The following STXBP5L variants were observed in gnomAD, a reference collection of about 807,000 sequenced individuals.
The protein encoded by STXBP5L is syntaxin-binding protein 5-like.
A neutral mutation model predicts 144.5 loss-of-function variants in STXBP5L; 65 were observed. That is an observed-to-expected ratio of 0.45 (90% CI 0.37 to 0.55). STXBP5L has a LOEUF of 0.55. Ranked by LOEUF, STXBP5L falls within the 20% of genes least tolerant of loss-of-function variation. STXBP5L has a pLI of 0.00. For missense variants in STXBP5L, 1,298 were observed against 1,405.5 expected, an observed-to-expected ratio of 0.92 and a Z score of 1.22; for synonymous variants, 505 against 469.6, an observed-to-expected ratio of 1.08 and a Z score of -0.97.
intron 3 of STXBP5L, among the ~76,000 whole-genome samples, chr3:120,976,914 T>A (rs973052514): frequency 3.9e-5 from 6 of 152,028 alleles, no homozygotes; most frequent in Non-Finnish European, 8.8e-5. Flanking sequence ...GAGAGACAGT[T>A]TGTTATAATT....
At chr3:121,187,884 G>C (rs937980312) in intron 9 of STXBP5L, among the ~76,000 whole-genome samples, 1 of 151,734 alleles carries the variant, frequency 6.6e-6, no homozygotes, top group African/African-American at 2.4e-5. Context: ...AAAAAGCAGC[G>C]GTTGCAATCC....
chr3:121,052,224 C>A (rs1466662070), intron 5 of STXBP5L, among the ~76,000 whole-genome samples: 2 of 152,162 alleles, frequency 1.3e-5, no homozygotes, highest in Non-Finnish European at 2.9e-5. Flanking sequence ...CTCCCTAACT[C>A]ATTTTATGAG....
intron 19 of STXBP5L, among the ~76,000 whole-genome samples, chr3:121,314,924 A>G (rs1382391680): frequency 6.6e-6 from 1 of 152,188 alleles, no homozygotes; most frequent in African/African-American, 2.4e-5. Context: ...GCAAATCAAA[A>G]CCACAATGAG....
In STXBP5L at chr3:121,257,246, C is replaced by A; in HGVS notation, c.1745C>A (p.Ala582Asp). 6.2e-7 allele frequency: 1 copy of A among 1,613,856 alleles called. No homozygotes were observed. Among genetic ancestry groups the A allele is most frequent in the Non-Finnish European group, 8.5e-7 (1 of 1,179,822 alleles). ...ETSPPFPDLS[A>D]QLPSSRSLSG... ...AGTCCTCCGTTTCCAGATCTCTCAGCCCAGCTTCCTTCTTCAAGGAGTCTT... is the reference window on the plus strand; with the variant it reads ...AGTCCTCCGTTTCCAGATCTCTCAGACCAGCTTCCTTCTTCAAGGAGTCTT... Residue 582 changes from alanine to aspartate, a missense_variant, in exon 17 of 27, where the codon GCC becomes GAC. Ala to Asp is a moderately radical substitution (Grantham distance 126, BLOSUM62 -2). Coordinates refer to ENST00000471454, the MANE Select transcript of STXBP5L (RefSeq NM_001308330.2).
chr3:121,086,844 T>C (rs1027063093), intron 5 of STXBP5L, among the ~76,000 whole-genome samples: 1 of 152,172 alleles, frequency 6.6e-6, no homozygotes, highest in Admixed American at 6.5e-5. Flanking sequence ...TCTAGGTTAG[T>C]GTAAGTACTT....
intron 19 of STXBP5L, among the ~76,000 whole-genome samples, chr3:121,294,966 ATTG>A (rs1373668761): frequency 6.6e-6 from 1 of 152,158 alleles, no homozygotes; most frequent in Non-Finnish European, 1.5e-5. Flanking sequence ...AAGCCAAAAT[ATTG>A]TTAAACTGAA....
At chr3:121,360,642 A>G (rs892538330) in intron 20 of STXBP5L, among the ~76,000 whole-genome samples, 2 of 152,086 alleles carry the variant, frequency 1.3e-5, no homozygotes, top group Non-Finnish European at 2.9e-5. Flanking sequence ...TAACAACACT[A>G]TTTGCATAAA....
chr3:120,982,847 C>A (rs1453608800), intron 3 of STXBP5L, among the ~76,000 whole-genome samples: 3 of 152,144 alleles, frequency 2.0e-5, no homozygotes, highest in Non-Finnish European at 4.4e-5. Context: ...TAGATGGCCC[C>A]TTGGATGGTA....
chr3:121,223,268 G>A (rs1021883397), intron 11 of STXBP5L, 111 bp downstream of exon 11: 5 of 1,103,164 alleles, frequency 4.5e-6, no homozygotes. Context: ...ATAACGCTGT[G>A]AGCTACAAGT....
chr3:121,155,750 A>G (rs2046091077), intron 8 of STXBP5L, among the ~76,000 whole-genome samples: 1 of 151,888 alleles, frequency 6.6e-6, no homozygotes, highest in Non-Finnish European at 1.5e-5. Context: ...CTGATCTCTA[A>G]TAACAAGTTG....
At chr3:121,094,682 G>A (rs1310343915) in intron 5 of STXBP5L, among the ~76,000 whole-genome samples, 3 of 152,100 alleles carry the variant, frequency 2.0e-5, no homozygotes, top group Non-Finnish European at 2.9e-5. Context: ...ACGTGAGATG[G>A]TTTTCCTGAA....
intron 3 of STXBP5L, among the ~76,000 whole-genome samples, chr3:121,040,195 G>A (rs1013578030): frequency 7.9e-5 from 12 of 151,974 alleles, no homozygotes; most frequent in Admixed American, 3.9e-4. Context: ...GTTTTTGAGT[G>A]CTAAAGGTTT....
intron 20 of STXBP5L, among the ~76,000 whole-genome samples, chr3:121,334,462 A>G (rs976519222): frequency 6.6e-6 from 1 of 152,050 alleles, no homozygotes; most frequent in African/African-American, 2.4e-5. Flanking sequence ...AAACTTTGGG[A>G]CAATAGCCTT....
chr3:121,115,211 G>A (rs896923806), intron 6 of STXBP5L, 152 bp downstream of exon 6: 2 of 728,468 alleles, frequency 2.7e-6, no homozygotes, highest in African/African-American at 1.9e-5. Context: ...AGCCATAAAA[G>A]CTTTTAAAAA....
At chr3:120,984,810 T>G (rs1285463779) in intron 3 of STXBP5L, among the ~76,000 whole-genome samples, 1 of 152,016 alleles carries the variant, frequency 6.6e-6, no homozygotes, top group African/African-American at 2.4e-5. Context: ...TATTCACATA[T>G]AGCCTTTATC....
chr3:121,196,304 T>C (rs1259220566), intron 9 of STXBP5L, among the ~76,000 whole-genome samples: 1 of 151,770 alleles, frequency 6.6e-6, no homozygotes, highest in Admixed American at 6.6e-5. Context: ...CTGGCTAATT[T>C]TTTTTTGTAT....
chr3:121,290,580 C>T (rs1171203155), intron 19 of STXBP5L, among the ~76,000 whole-genome samples: 1 of 152,084 alleles, frequency 6.6e-6, no homozygotes, highest in East Asian at 1.9e-4. Flanking sequence ...ACCCTAATAT[C>T]AAAACCAAGA....
chr3:121,301,030 G>C (rs1269279860), intron 19 of STXBP5L, among the ~76,000 whole-genome samples: 1 of 152,162 alleles, frequency 6.6e-6, no homozygotes, highest in Admixed American at 6.5e-5. Context: ...GGCAATGCGG[G>C]ATCTTTTTTG....
At chr3:121,108,657 A>G (rs975051148) in intron 5 of STXBP5L, among the ~76,000 whole-genome samples, 2 of 152,012 alleles carry the variant, frequency 1.3e-5, no homozygotes, top group Non-Finnish European at 2.9e-5. Flanking sequence ...GTTCATCAGG[A>G]TATTGGCCTG....
Sources: allele counts gnomAD v4.1 joint callset (sites outside exome capture counted in the v4.1 genomes callset), GRCh38; gene constraint gnomAD v4.1.1; transcripts MANE v1.5; gene names NCBI Gene and HGNC (gene_info 2026-07-23, HGNC 2026-07-21).